The following DHX30 variants were observed in gnomAD, a reference collection of about 807,000 sequenced individuals.
The protein encoded by DHX30 is DExH-box helicase 30.
Under a neutral mutation model 116.9 loss-of-function variants are expected in DHX30, and 4 were observed. The ratio of observed to expected loss-of-function variants is 0.03; its 90% confidence interval spans 0.02 to 0.08. DHX30 has a LOEUF of 0.08. Ranked by LOEUF, DHX30 falls within the 10% of genes least tolerant of loss-of-function variation. The pLI is 1.00. For synonymous variants in DHX30, 697 were observed against 651.7 expected (o/e 1.07, Z -1.06); for missense variants, 871 against 1,595.1 (o/e 0.55, Z 7.73).
Position 47,849,625 on chromosome 3 carries a change from C to T in DHX30, c.3192-5C>T. On this transcript the variant is annotated splice_region_variant and splice_polypyrimidine_tract_variant and intron_variant, in intron 20 of 21. Transcript: ENST00000445061. ...GGGTGGCCTCACCAGCCCTGTGTTC[C>T]CTAGGGAGGCCACACGGTTACGGAG... is the stretch of plus-strand genomic sequence containing the variant. 1 of 1,614,124 alleles carries T rather than the reference C, an allele frequency of 6.2e-7. No individual in the cohort carries two copies. Among genetic ancestry groups the T allele is most frequent in the Non-Finnish European group, 8.5e-7 (1 of 1,179,990 alleles).
chr3:47,849,616 C>T lies in DHX30; in HGVS notation c.3192-14C>T, dbSNP rs373981655. 38 of 1,614,102 alleles carry T rather than the reference C, an allele frequency of 2.4e-5. No individual in the cohort carries two copies. Among genetic ancestry groups the T allele is most frequent in the Non-Finnish European group, 2.9e-5 (34 of 1,179,980 alleles). Reference sequence around the variant, plus strand: ...GGTCCAAAAGGGTGGCCTCACCAGCCCTGTGTTCCCTAGGGAGGCCACACG... The same window carrying T: ...GGTCCAAAAGGGTGGCCTCACCAGCTCTGTGTTCCCTAGGGAGGCCACACG... On this transcript the variant is annotated splice_polypyrimidine_tract_variant and intron_variant, in intron 20 of 21. Transcript: ENST00000445061.
chr3:47,838,401 A>G (rs2037219103), intron 6 of DHX30, among the ~76,000 whole-genome samples: 1 of 152,226 alleles, frequency 6.6e-6, no homozygotes, highest in Non-Finnish European at 1.5e-5. Flanking sequence ...CCAGGAACAT[A>G]TATCTCCATG....
Position 47,848,320 on chromosome 3 carries a change from A to G in DHX30, c.2427A>G (p.Pro809=), listed in dbSNP as rs1319181653. ...AGAAAATGGTCCCTTTCCAAGTGCC[A>G]GAGATCCTGCGCACACCTCTTGAGA... The part of the protein sequence containing the change: ...RLEKMVPFQV[P]EILRTPLENL... The change falls in exon 15 of 22, where the codon CCA becomes CCG. Residue 809 remains proline (P), a synonymous_variant. Transcript: ENST00000445061. The surrounding 1 kb of genome is among the most constrained non-coding windows in gnomAD (Gnocchi z 9.4). 3 of 1,614,120 alleles carry G rather than the reference A, an allele frequency of 1.9e-6. No homozygotes were observed. The highest frequency in any genetic ancestry group is 4.5e-5 in the East Asian group (2 of 44,886).
rs1301918772 is a variant in DHX30, at chr3:47,829,245, C to T, written c.366+111C>T. 7 of 430,246 alleles carry T rather than the reference C, an allele frequency of 1.6e-5. No homozygotes were observed. In the East Asian group the frequency reaches 3.4e-4, roughly 21 times the overall value. 26.7% of individuals were successfully genotyped at this position (430,246 alleles called of 1,614,324 possible). A position where few individuals can be genotyped will look rare whatever the true frequency, so the allele number is the denominator to read the frequency against. On this transcript the variant is annotated intron_variant, in intron 6 of 21. Transcript: ENST00000445061. ...GTTCTACCACTCACCTGCCCTGAGCCCTTCCCACTTCCTGATTCCTTTCTT... is the reference window on the plus strand; with the variant it reads ...GTTCTACCACTCACCTGCCCTGAGCTCTTCCCACTTCCTGATTCCTTTCTT...
intron 5 of DHX30, among the ~76,000 whole-genome samples, chr3:47,827,841 A>AT (rs1559701201): frequency 6.6e-6 from 1 of 152,048 alleles, no homozygotes; most frequent in Non-Finnish European, 1.5e-5. Context: ...ATTCTGGATG[A>AT]TTTTTTAACA....
intron 6 of DHX30, among the ~76,000 whole-genome samples, chr3:47,838,085 G>T (rs1430417929): frequency 6.6e-6 from 1 of 152,198 alleles, no homozygotes; most frequent in African/African-American, 2.4e-5. Flanking sequence ...AGGGATGCTT[G>T]TATTGCTGCT....
intron 1 of DHX30, among the ~76,000 whole-genome samples, chr3:47,805,092 A>G (rs148688514): frequency 6.6e-6 from 1 of 152,332 alleles, no homozygotes; most frequent in East Asian, 1.9e-4. Flanking sequence ...ACATCTTCTT[A>G]GATGATGTCA....
In DHX30 at chr3:47,846,724, A is replaced by G. The variant is rs1364701460; in HGVS notation, c.1652A>G (p.Glu551Gly). ...AAGCTGCAGAGCAACCCCAGCCTGG[A>G]GGGCGTGAGCCACGTCATCGTGGAT... ...LRKLQSNPSL[E>G]GVSHVIVDEV... The change falls in exon 11 of 22, where the codon GAG becomes GGG. Residue 551 changes from glutamate to glycine, a missense_variant. By Grantham distance (98) the Glu-to-Gly change is moderately conservative. Coordinates refer to ENST00000445061, the MANE Select transcript of DHX30 (RefSeq NM_138615.3). 6.2e-7 allele frequency: 1 copy of G among 1,613,994 alleles called. No individual in the cohort carries two copies. The highest frequency in any genetic ancestry group is 8.5e-7 in the Non-Finnish European group (1 of 1,180,022).
At chr3:47,811,396 A>C (rs1400556844) in intron 3 of DHX30, among the ~76,000 whole-genome samples, 1 of 152,080 alleles carries the variant, frequency 6.6e-6, no homozygotes, top group African/African-American at 2.4e-5. Context: ...ATTCTGAATT[A>C]ATCATTTTGT....
chr3:47,833,582 T>A (rs2036967137), intron 6 of DHX30, among the ~76,000 whole-genome samples: 1 of 148,660 alleles, frequency 6.7e-6, no homozygotes, highest in African/African-American at 2.5e-5. Context: ...AAATGTACTC[T>A]TGGGCGCTGG....
chr3:47,815,287 C>A (rs940857649), intron 3 of DHX30, among the ~76,000 whole-genome samples: 1 of 152,164 alleles, frequency 6.6e-6, no homozygotes, highest in Non-Finnish European at 1.5e-5. Flanking sequence ...CGGTGCTCAA[C>A]CCTTACTCTT....
Position 47,848,083 on chromosome 3 carries a change from G to GTGTTCCTGATGTAGGGGGC in DHX30, c.2287-94_2287-76dup. The GTGTTCCTGATGTAGGGGGC allele has an allele frequency of 1.3e-6, 2 of 1,585,124 alleles. No individual in the cohort carries two copies. The highest frequency in any genetic ancestry group is 1.7e-6 in the Non-Finnish European group (2 of 1,159,234). On this transcript the variant is annotated intron_variant, in intron 14 of 21. Coordinates refer to ENST00000445061, the MANE Select transcript of DHX30 (RefSeq NM_138615.3). This position sits in a 1 kb window ranked among gnomAD's most constrained non-coding sequence, Gnocchi z 9.4. ...AGAAGGCCGCGCTTGTGGGGTCTCA[G>GTGTTCCTGATGTAGGGGGC]TGTTCCTGATGTAGGGGGCTGGTGA... is the stretch of plus-strand genomic sequence containing the variant.
chr3:47,840,260 G>A (rs2037311604), intron 6 of DHX30, among the ~76,000 whole-genome samples: 1 of 151,288 alleles, frequency 6.6e-6, no homozygotes, highest in Admixed American at 6.6e-5. Context: ...GCCTCCCAAA[G>A]TGCTGGGATT....
rs200116835 is a variant in DHX30 at position 47,845,884 on chromosome 3, C to A, written c.1092+32C>A. 2.5e-6 allele frequency: 4 copies of A among 1,576,766 alleles called. No individual in the cohort carries two copies. The African/African-American group carries it at 4.0e-5, about 16-fold the overall frequency. On this transcript the variant is annotated intron_variant, in intron 10 of 21. Coordinates refer to ENST00000445061, the MANE Select transcript of DHX30 (RefSeq NM_138615.3). ...GGCCCTGCATCCCTCACCACCCCTG[C>A]TCCCTGTAGTCTGCCTCCATCTCTC...
chr3:47,838,187 G>T (rs557816600), intron 6 of DHX30, among the ~76,000 whole-genome samples: 2 of 152,178 alleles, frequency 1.3e-5, no homozygotes, highest in African/African-American at 4.8e-5. Flanking sequence ...CCAAGGGTTC[G>T]CGAATGTGTG....
intron 6 of DHX30, among the ~76,000 whole-genome samples, chr3:47,832,351 T>C (rs1477295591): frequency 6.6e-6 from 1 of 152,132 alleles, no homozygotes; most frequent in Non-Finnish European, 1.5e-5. Flanking sequence ...CTCTAAAACA[T>C]CTTGATTGAT....
At chr3:47,829,200 T>C (rs1321894170) in intron 6 of DHX30, 66 bp downstream of exon 6, 4 of 812,182 alleles carry the variant, frequency 4.9e-6, no homozygotes, top group South Asian at 3.4e-5. Context: ...TTTGTTTTTA[T>C]TGGTAGAGGT....
Position 47,846,321 on chromosome 3 carries a change from C to A in DHX30, c.1249C>A (p.Leu417Met). The change falls in exon 11 of 22, where the codon CTG (leucine) becomes ATG (methionine). Residue 417 changes from leucine (L) to methionine (M), a missense_variant. Leu to Met is a conservative substitution (Grantham distance 15). Around this residue, in one of 13 missense-constraint regions of DHX30, gnomAD observed 175 missense variants for 292.9 expected, o/e 0.60. Coordinates refer to ENST00000445061, the MANE Select transcript of DHX30 (RefSeq NM_138615.3). ...EAEEVRLSQSLLELWRRRGPV... is the reference protein window; with the variant it reads ...EAEEVRLSQSMLELWRRRGPV... ...AGAGGAGGTACGTCTCAGCCAGAGT[C>A]TGCTAGAACTGTGGCGGCGGCGAGG... The A allele has an allele frequency of 6.2e-7, 1 of 1,614,218 alleles. No homozygotes were observed. The highest frequency in any genetic ancestry group is 8.5e-7 in the Non-Finnish European group (1 of 1,180,052).
chr3:47,805,022 A>G (rs1441675939), intron 1 of DHX30, among the ~76,000 whole-genome samples: 1 of 152,244 alleles, frequency 6.6e-6, no homozygotes, highest in African/African-American at 2.4e-5. Flanking sequence ...AAGTGGAAGT[A>G]GGTTTTGCTC....
Sources: gnomAD v4.1 joint callset for allele counts (sites outside exome capture counted in the v4.1 genomes callset) on GRCh38, gnomAD v4.1.1 for gene constraint, gnomAD v4.1.1 regional missense constraint, Gnocchi (gnomAD v3.1) non-coding constraint, MANE v1.5 for transcripts, NCBI Gene and HGNC (gene_info 2026-07-23, HGNC 2026-07-21) for gene names.